The following CELF2 variants were observed in gnomAD, a reference collection of about 807,000 sequenced individuals.
CELF2 encodes CUG triplet repeat RNA-binding protein 2.
In CELF2, 8 loss-of-function variants were observed where a neutral mutation model predicts 62.6. That is an observed-to-expected ratio of 0.13 (90% confidence interval 0.07 to 0.23). CELF2 has a LOEUF of 0.23. CELF2 is among the 10% of genes least tolerant of loss of function. The pLI, the probability that CELF2 is intolerant of heterozygous loss-of-function variation, is 1.00. For missense variants in CELF2, 333 were observed against 671.0 expected (o/e 0.50, Z 5.56); for synonymous variants, 258 against 250.0 (o/e 1.03, Z -0.30).
At chr10:10,994,181 G>T (rs1032196766) in intron 2 of CELF2, among the ~76,000 whole-genome samples, 1 of 152,140 alleles carries the variant, frequency 6.6e-6, no homozygotes, top group Non-Finnish European at 1.5e-5. Flanking sequence ...GGAAGAAGGG[G>T]ATATTTCATT....
intron 1 of CELF2, among the ~76,000 whole-genome samples, chr10:11,089,576 G>A (rs1564691167): frequency 1.3e-5 from 2 of 152,176 alleles, no homozygotes; most frequent in African/African-American, 2.4e-5. Flanking sequence ...AGGAGTGTCA[G>A]TATATGGTCT....
chr10:10,778,349 C>CA, the CELF2 span, among the ~76,000 whole-genome samples: 1 of 152,210 alleles, frequency 6.6e-6, no homozygotes, highest in Non-Finnish European at 1.5e-5. Flanking sequence ...GAGTCGTACA[C>CA]AGAGTCCTAC....
Position 10,993,884 on chromosome 10 carries a change from T to C in CELF2, c.89+73885T>C, listed in dbSNP as rs531151224. 6.6e-5 allele frequency among the ~76,000 whole-genome samples: 10 copies of C among 152,246 alleles called. No homozygotes were observed. The highest frequency in any genetic ancestry group is 1.9e-4 in the East Asian group (1 of 5,188). ...TCATAGGTGTGGGGCCCCAATCCAG[T>C]AGGACTAGTATCCTTATCAGAAAAA... is the stretch of plus-strand genomic sequence containing the variant. On this transcript the variant is annotated intron_variant, in intron 2 of 13. Coordinates refer to the CELF2 transcript ENST00000636488. This position sits in a 1 kb window ranked among gnomAD's most constrained non-coding sequence, Gnocchi z 5.3.
intron 1 of CELF2, among the ~76,000 whole-genome samples, chr10:10,841,164 T>C (rs1057371362): frequency 3.9e-5 from 6 of 152,202 alleles, no homozygotes; most frequent in Non-Finnish European, 8.8e-5. Context: ...TGTGCATGTG[T>C]CTTTATGGTA....
chr10:10,706,110 C>T, the CELF2 span, among the ~76,000 whole-genome samples: 1 of 152,208 alleles, frequency 6.6e-6, no homozygotes, highest in Non-Finnish European at 1.5e-5. Context: ...TCCCTCCCTT[C>T]TCACTCCATC....
the CELF2 span, among the ~76,000 whole-genome samples, chr10:10,634,785 C>T: frequency 9.9e-5 from 15 of 151,994 alleles, no homozygotes; most frequent in Admixed American, 3.3e-4. Flanking sequence ...TCTCAGCCTC[C>T]CGAGTAGCTG....
rs1373164068 is a variant in CELF2 at position 11,217,823 on chromosome 10, C to G, written c.354+316C>G. 6.6e-6 allele frequency among the ~76,000 whole-genome samples: 1 copy of G among 152,210 alleles called. No homozygotes were observed. The highest frequency in any genetic ancestry group is 1.5e-5 in the Non-Finnish European group (1 of 68,030). ...TTTAAAAGGAAAAAAAAACCCAACA[C>G]ACACAAGAGAAGCAAATGGAAAAGA... On this transcript the variant is annotated intron_variant, in intron 3 of 12. Coordinates refer to ENST00000633077, the MANE Select transcript of CELF2 (RefSeq NM_001326342.2). This position sits in a 1 kb window ranked among gnomAD's most constrained non-coding sequence, Gnocchi z 5.6.
chr10:10,574,425 C>T, the CELF2 span, among the ~76,000 whole-genome samples: 139 of 152,090 alleles, frequency 9.1e-4, 1 homozygote, highest in African/African-American at 3.1e-3. Context: ...AGGAAAAAAG[C>T]GAAGAATAAA....
At chr10:10,672,391 T>C in the CELF2 span, among the ~76,000 whole-genome samples, 2 of 152,198 alleles carry the variant, frequency 1.3e-5, no homozygotes, top group African/African-American at 4.8e-5. Flanking sequence ...TTCTTCTATG[T>C]TACCTTCTAG....
intron 5 of CELF2, among the ~76,000 whole-genome samples, chr10:11,264,062 A>G (rs2081489479): frequency 6.6e-6 from 1 of 152,256 alleles, no homozygotes; most frequent in African/African-American, 2.4e-5. Flanking sequence ...CACCACTGCC[A>G]ATAGAATTAA....
chr10:10,489,220 T>A, the CELF2 span, among the ~76,000 whole-genome samples: 3 of 152,082 alleles, frequency 2.0e-5, no homozygotes, highest in Non-Finnish European at 4.4e-5. Flanking sequence ...TGACTCAACC[T>A]AACAAAAATG....
the CELF2 span, among the ~76,000 whole-genome samples, chr10:10,686,566 T>C: frequency 1.3e-5 from 2 of 152,064 alleles, no homozygotes. Context: ...CATAGGGTAG[T>C]TTCCCCTATA....
At chr10:10,831,904 G>A (rs539013048) in intron 1 of CELF2, among the ~76,000 whole-genome samples, 3 of 152,054 alleles carry the variant, frequency 2.0e-5, no homozygotes, top group Non-Finnish European at 2.9e-5. Context: ...CCCGGGAGGC[G>A]GAGGTTGCAG....
the CELF2 span, among the ~76,000 whole-genome samples, chr10:10,605,819 C>T: frequency 5.9e-5 from 9 of 152,240 alleles, no homozygotes; most frequent in Admixed American, 2.0e-4. Context: ...TGGGAGGCTT[C>T]GTTTAATCAG....
chr10:10,946,986 G>A (rs2047757337), intron 2 of CELF2: 1 of 152,246 alleles, frequency 6.6e-6, no homozygotes, highest in Non-Finnish European at 1.5e-5. Context: ...TGCCTGTGAG[G>A]AGTTGTTGCA....
intron 1 of CELF2, among the ~76,000 whole-genome samples, chr10:11,129,040 G>A (rs1480397657): frequency 6.6e-6 from 1 of 152,176 alleles, no homozygotes; most frequent in East Asian, 1.9e-4. Flanking sequence ...TTATTATTTT[G>A]AGATGTGTTC....
At chr10:11,162,418 C>T (rs2065929462) in intron 1 of CELF2, among the ~76,000 whole-genome samples, 2 of 152,248 alleles carry the variant, frequency 1.3e-5, no homozygotes, top group Middle Eastern at 6.8e-3. Flanking sequence ...GATTGTCCTG[C>T]CCTTAGAACT....
At position 11,090,958 on chromosome 10, in the gene CELF2, G is replaced by A. The variant is rs541673946; in HGVS notation, c.74+72795G>A. Reference sequence around the variant, plus strand: ...AGAAAATGTACAGACTTATTCTTCCGTTTTTTAAAAACATGTAATCATTGT... The same window carrying A: ...AGAAAATGTACAGACTTATTCTTCCATTTTTTAAAAACATGTAATCATTGT... On this transcript the variant is annotated intron_variant, in intron 1 of 12. Transcript: ENST00000633077. Among the ~76,000 whole-genome samples the A allele has an allele frequency of 1.2e-4, 19 of 152,180 alleles. No individual in the cohort carries two copies. The South Asian group carries it at 3.3e-3, about 27-fold the overall frequency.
intron 1 of CELF2, among the ~76,000 whole-genome samples, chr10:11,100,623 G>A (rs547506135): frequency 2.3e-4 from 35 of 152,054 alleles, no homozygotes; most frequent in Non-Finnish European, 3.5e-4. Context: ...CATCTGACAC[G>A]CTTCATACCA....
Sources: allele counts gnomAD v4.1 joint callset (sites outside exome capture counted in the v4.1 genomes callset), GRCh38; gene constraint gnomAD v4.1.1; non-coding constraint Gnocchi (gnomAD v3.1); transcripts MANE v1.5; gene names NCBI Gene and HGNC (gene_info 2026-07-23, HGNC 2026-07-21).